RAB21: variants seen among roughly 807,000 people sequenced by gnomAD.
RAB21 encodes the protein ras-related protein Rab-21.
In RAB21, 13 loss-of-function variants were observed where a neutral mutation model predicts 33.1. The ratio of observed to expected loss-of-function variants is 0.39; its 90% CI spans 0.26 to 0.62. RAB21 has a LOEUF of 0.62. RAB21 is among the 20% of genes least tolerant of loss of function. The pLI, the probability that RAB21 is intolerant of heterozygous loss-of-function variation, is 0.48. For missense variants in RAB21, 234 were observed against 279.1 expected, an observed-to-expected ratio of 0.84 and a Z score of 1.15; for synonymous variants, 91 against 103.7, an observed-to-expected ratio of 0.88 and a Z score of 0.74.
chr12:71,782,052 A>C lies in RAB21; in HGVS notation c.413A>C (p.Lys138Thr), dbSNP rs896683927. 6.2e-7 allele frequency: 1 copy of C among 1,606,296 alleles called. No homozygotes were observed. The highest frequency in any genetic ancestry group is 8.5e-7 in the Non-Finnish European group (1 of 1,173,382). ...ATAGGTAATAAAATAGACTTGGAAA[A>C]GGAGAGACATGTTTCCATTCAAGAA... ...CIVGNKIDLEKERHVSIQEAE... is the reference protein window; with the variant it reads ...CIVGNKIDLETERHVSIQEAE... Residue 138 changes from lysine to threonine, a missense_variant, in exon 5 of 7, where the codon AAG (lysine) becomes ACG (threonine). By Grantham distance (78) the Lys-to-Thr change is moderately conservative. Transcript: ENST00000261263.
intron 1 of RAB21, among the ~76,000 whole-genome samples, chr12:71,766,220 A>C (rs535692536): frequency 1.3e-5 from 2 of 152,248 alleles, no homozygotes; most frequent in South Asian, 4.1e-4. Flanking sequence ...TTTGATTGTC[A>C]ATTATGGGCA....
In RAB21 at chr12:71,786,679, T is replaced by A. The variant is rs1254079273; in HGVS notation, c.*1006T>A. The A allele has an allele frequency of 6.6e-6, 1 of 152,644 alleles. No individual in the cohort carries two copies. 9.5% of individuals were successfully genotyped at this position (152,644 alleles called of 1,614,324 possible). On this transcript the variant is annotated 3_prime_UTR_variant, in exon 7 of 7. Transcript: ENST00000261263. ...CTAGCTTTTTTGACTAATATAAAGA[T>A]CATAGCTCCCCTTCACTTCTGTCTT... is the stretch of plus-strand genomic sequence containing the variant.
intron 1 of RAB21, among the ~76,000 whole-genome samples, chr12:71,760,567 A>G (rs561185105): frequency 2.0e-5 from 3 of 152,336 alleles, no homozygotes; most frequent in Non-Finnish European, 4.4e-5. Flanking sequence ...CAAACATTGT[A>G]TTAGCTGGGG....
intron 1 of RAB21, among the ~76,000 whole-genome samples, chr12:71,764,793 C>T (rs891696310): frequency 6.6e-6 from 1 of 152,092 alleles, no homozygotes; most frequent in Non-Finnish European, 1.5e-5. Context: ...TATTTCATTC[C>T]TTTTTATGGC....
intron 6 of RAB21, among the ~76,000 whole-genome samples, chr12:71,784,955 TG>T (rs1883261283): frequency 6.7e-6 from 1 of 148,682 alleles, no homozygotes; most frequent in Non-Finnish European, 1.5e-5. Context: ...CAGCCAGGCA[TG>T]GTGTTGCATA....
chr12:71,770,415 T>C (rs111981783), intron 2 of RAB21, 177 bp from the exon 3 acceptor site: 2 of 591,082 alleles, frequency 3.4e-6, no homozygotes, highest in African/African-American at 1.9e-5. Flanking sequence ...TACATATTGG[T>C]CATAACTTAA....
At chr12:71,780,087 CTATT>C (rs1453131658) in intron 4 of RAB21, among the ~76,000 whole-genome samples, 2 of 152,038 alleles carry the variant, frequency 1.3e-5, no homozygotes, top group African/African-American at 2.4e-5. Flanking sequence ...ATTAAGATAG[CTATT>C]TATTAATGGC....
At chr12:71,757,053 C>T (rs1275612753) in intron 1 of RAB21, among the ~76,000 whole-genome samples, 1 of 152,170 alleles carries the variant, frequency 6.6e-6, no homozygotes. Context: ...AATAACCCAT[C>T]TAGTGTTTTC....
At position 71,792,235 on chromosome 12, in the gene RAB21, T is replaced by C. The variant is rs955813317; in HGVS notation, c.*6562T>C. 9.2e-5 allele frequency: 14 copies of C among 152,228 alleles called. No homozygotes were observed. The highest frequency in any genetic ancestry group is 3.4e-4 in the African/African-American group (14 of 41,456). The allele number at this position is 152,228 out of a possible 1,614,324, so 9.4% of individuals were successfully genotyped here. The stretch of plus-strand genomic sequence containing the variant: ...AATAGTTCTGGAACTAGAAGTTAAC[T>C]ACTTACTGGACTTTTGAGATGTAAG... On this transcript the variant is annotated 3_prime_UTR_variant, in exon 7 of 7. Transcript: ENST00000261263.
At chr12:71,772,239 A>G (rs903721811) in intron 3 of RAB21, among the ~76,000 whole-genome samples, 2 of 152,128 alleles carry the variant, frequency 1.3e-5, no homozygotes, top group African/African-American at 4.8e-5. Flanking sequence ...GTGTGTTATC[A>G]TCCAGTACTC....
rs1350386915 is a variant in RAB21 at position 71,791,504 on chromosome 12, G to C, written c.*5831G>C. 1 of 152,186 alleles carries C rather than the reference G, an allele frequency of 6.6e-6. No individual in the cohort carries two copies. Among genetic ancestry groups the C allele is most frequent in the Non-Finnish European group, 1.5e-5 (1 of 68,036 alleles). The allele number at this position is 152,186 out of a possible 1,614,324, so 9.4% of individuals were successfully genotyped here. ...TTTTATTGGAGGGAAGAAGGAAAAA[G>C]AGGAAAGGTATAACTGATGGGGAAA... On this transcript the variant is annotated 3_prime_UTR_variant, in exon 7 of 7. Coordinates refer to ENST00000261263, the MANE Select transcript of RAB21 (RefSeq NM_014999.4).
chr12:71,765,615 A>T (rs1882948106), intron 1 of RAB21, among the ~76,000 whole-genome samples: 1 of 151,940 alleles, frequency 6.6e-6, no homozygotes, highest in African/African-American at 2.4e-5. Flanking sequence ...ATCCATCTTG[A>T]GTTGATTTTT....
chr12:71,764,386 G>A (rs1233645094), intron 1 of RAB21, among the ~76,000 whole-genome samples: 4 of 152,280 alleles, frequency 2.6e-5, no homozygotes, highest in African/African-American at 9.6e-5. Context: ...CAAATTAAAT[G>A]TGCCTAGTAG....
intron 3 of RAB21, among the ~76,000 whole-genome samples, chr12:71,773,338 C>G (rs1315689615): frequency 1.3e-5 from 2 of 152,162 alleles, no homozygotes; most frequent in Non-Finnish European, 2.9e-5. Context: ...CTCTTGGCAT[C>G]TAGTGGGTAG....
In RAB21 at chr12:71,789,835, T is replaced by C. The variant is rs1565898746; in HGVS notation, c.*4162T>C. The C allele has an allele frequency of 6.6e-6, 1 of 152,198 alleles. No homozygotes were observed. The highest frequency in any genetic ancestry group is 1.5e-5 in the Non-Finnish European group (1 of 67,998). The allele number at this position is 152,198 out of a possible 1,614,324, so 9.4% of individuals were successfully genotyped here. A position where few individuals can be genotyped will look rare whatever the true frequency, so the allele number is the denominator to read the frequency against. ...TGGACCAAAATTCGTGCTACACATA[T>C]GTCTGATGGCCTTTACCTTTTCAAG... On this transcript the variant is annotated 3_prime_UTR_variant, in exon 7 of 7. Coordinates refer to ENST00000261263, the MANE Select transcript of RAB21 (RefSeq NM_014999.4).
At chr12:71,773,814 C>A in intron 3 of RAB21, 145 bp from the exon 4 acceptor site, 2 of 579,128 alleles carry the variant, frequency 3.5e-6, no homozygotes, top group Non-Finnish European at 3.0e-6. Context: ...ATAAATGATT[C>A]TTCAGTGAAT....
chr12:71,775,886 A>G (rs1411759515), intron 4 of RAB21, among the ~76,000 whole-genome samples: 1 of 152,088 alleles, frequency 6.6e-6, no homozygotes, highest in Non-Finnish European at 1.5e-5. Flanking sequence ...CCACCATTAC[A>G]TTGGTAGCTT....
chr12:71,784,886 G>A (rs1883260145), intron 6 of RAB21, among the ~76,000 whole-genome samples: 1 of 151,838 alleles, frequency 6.6e-6, no homozygotes, highest in Non-Finnish European at 1.5e-5. Flanking sequence ...GAGCCCAGGA[G>A]TTTGAGACCA....
intron 4 of RAB21, among the ~76,000 whole-genome samples, chr12:71,776,055 A>T (rs946555799): frequency 6.6e-6 from 1 of 152,168 alleles, no homozygotes; most frequent in Non-Finnish European, 1.5e-5. Context: ...GCTACAGCTA[A>T]TCAGTACTGA....
Sources: gnomAD v4.1 joint callset for allele counts (sites outside exome capture counted in the v4.1 genomes callset) on GRCh38, gnomAD v4.1.1 for gene constraint, MANE v1.5 for transcripts, NCBI Gene and HGNC (gene_info 2026-07-23, HGNC 2026-07-21) for gene names.